Variants in PLA2G4D observed in about 807,000 individuals in gnomAD.
PLA2G4D encodes phospholipase A2 group IVD.
PLA2G4D carries 80 observed loss-of-function variants against 94.4 expected under a neutral mutation model. The ratio of observed to expected loss-of-function variants is 0.85; its 90% confidence interval spans 0.71 to 1.02. The LOEUF (loss-of-function observed/expected upper bound fraction) is 1.02. PLA2G4D is among the 50% of genes least tolerant of loss of function. The probability of loss-of-function intolerance (pLI) is 0.00; values close to 1 mark genes in which losing one functional copy is unlikely to be tolerated. For missense variants in PLA2G4D, 1,050 were observed against 1,034.7 expected (o/e 1.01, Z -0.20); for synonymous variants, 438 against 440.9 (o/e 0.99, Z 0.08).
rs769891091 is a variant in PLA2G4D at position 42,087,729 on chromosome 15, T to G, written c.46-29A>C. On this transcript the variant is annotated intron_variant, in intron 1 of 19. Transcript: ENST00000290472. ...AAGAGAAAATCAAACTCCAGAGTCC[T>G]TCCTGCATTCCCTCCCTTATGCCTG... The G allele has an allele frequency of 3.7e-6, 6 of 1,607,466 alleles. No individual in the cohort carries two copies. In the African/African-American group the frequency reaches 6.7e-5, roughly 18 times the overall value.
chr15:42,090,073 T>C (rs1452159409), intron 1 of PLA2G4D, among the ~76,000 whole-genome samples: 2 of 152,224 alleles, frequency 1.3e-5, no homozygotes, highest in African/African-American at 4.8e-5. Flanking sequence ...TTACGGGGGC[T>C]TAAAGGCAGA....
intron 13 of PLA2G4D, among the ~76,000 whole-genome samples, chr15:42,075,715 C>T (rs1027493663): frequency 6.6e-6 from 1 of 152,142 alleles, no homozygotes; most frequent in African/African-American, 2.4e-5. Context: ...AGTGAAACAC[C>T]ATCTCTACTA....
chr15:42,078,824 T>C (rs979051879), intron 13 of PLA2G4D, among the ~76,000 whole-genome samples: 1 of 152,250 alleles, frequency 6.6e-6, no homozygotes, highest in Non-Finnish European at 1.5e-5. Context: ...CAGATAGTTA[T>C]GTGTGGTAAA....
chr15:42,072,449 G>C, intron 13 of PLA2G4D, 57 bp from the exon 14 acceptor site: 6 of 1,415,146 alleles, frequency 4.2e-6, no homozygotes, highest in Non-Finnish European at 6.0e-6. Context: ...GGAGGCAGTG[G>C]CTCCGCCAGG....
At chr15:42,079,405 G>A in intron 13 of PLA2G4D, 132 bp downstream of exon 13, 1 of 857,620 alleles carries the variant, frequency 1.2e-6, no homozygotes, top group Non-Finnish European at 1.7e-6. Flanking sequence ...GCATTCCAAA[G>A]TGAGGCAGAC....
intron 17 of PLA2G4D, 60 bp downstream of exon 17, chr15:42,071,063 C>T: frequency 6.3e-7 from 1 of 1,584,784 alleles, no homozygotes. Context: ...CAGCCAGTCC[C>T]TGCCACACCA....
rs1211053064 is a variant in PLA2G4D at position 42,067,169 on chromosome 15, C to G, written c.*1546G>C. 1 of 152,204 alleles carries G rather than the reference C, an allele frequency of 6.6e-6. No individual in the cohort carries two copies. Among genetic ancestry groups the G allele is most frequent in the Non-Finnish European group, 1.5e-5 (1 of 68,056 alleles). 9.4% of individuals were successfully genotyped at this position (152,204 alleles called of 1,614,324 possible). A position where few individuals can be genotyped will look rare whatever the true frequency, so the allele number is the denominator to read the frequency against. ...GCCAAGGTCTGTCCCGAAGCTCTCA[C>G]TACAACCCCCACCTGGGGCCAGGTG... On this transcript the variant is annotated 3_prime_UTR_variant, in exon 20 of 20. Coordinates refer to ENST00000290472, the MANE Select transcript of PLA2G4D (RefSeq NM_178034.4).
chr15:42,076,177 T>A (rs1400933249), intron 13 of PLA2G4D, among the ~76,000 whole-genome samples: 1 of 152,094 alleles, frequency 6.6e-6, no homozygotes, highest in Non-Finnish European at 1.5e-5. Context: ...TGAAACCTGA[T>A]ACATGACAGA....
intron 4 of PLA2G4D, among the ~76,000 whole-genome samples, chr15:42,085,972 T>C (rs1396843807): frequency 2.0e-5 from 3 of 152,192 alleles, no homozygotes; most frequent in Admixed American, 6.5e-5. Flanking sequence ...CTGAGCTGTG[T>C]TTTGAGGGGT....
Position 42,086,194 on chromosome 15 carries a change from T to TTCTCC in PLA2G4D, c.387+18_387+19insGGAGA. On this transcript the variant is annotated intron_variant, in intron 4 of 19. Transcript: ENST00000290472. ...GGAAGAAGTGGGGCCCACGGGGACTTCCCCACCCACCCACCCACCTGGGGA... is the reference window on the plus strand; with the variant it reads ...GGAAGAAGTGGGGCCCACGGGGACTTTCTCCCCCCACCCACCCACCCACCTGGGGA... 1 of 1,370,440 alleles carries TTCTCC rather than the reference T, an allele frequency of 7.3e-7. No homozygotes were observed. Among genetic ancestry groups the TTCTCC allele is most frequent in the South Asian group, 1.5e-5 (1 of 66,866 alleles). The allele number at this position is 1,370,440 out of a possible 1,614,324, so 84.9% of individuals were successfully genotyped here. A position where few individuals can be genotyped will look rare whatever the true frequency, so the allele number is the denominator to read the frequency against.
chr15:42,068,939 C>T lies in PLA2G4D; in HGVS notation c.2233G>A (p.Val745Ile). The change falls in exon 20 of 20, where the codon GTC becomes ATC. Residue 745 changes from valine (V) to isoleucine (I), a missense_variant and splice_region_variant. Transcript: ENST00000290472. ...ASFKDHSAPG[V>I]QRSPAELQGG... Reference sequence around the variant, plus strand: ...TGGAGCTCTGCGGGGCTGCGCTGGACACCTGCCCAGGGGTAGGAGGGGTGT... The same window carrying T: ...TGGAGCTCTGCGGGGCTGCGCTGGATACCTGCCCAGGGGTAGGAGGGGTGT... 6.2e-7 allele frequency: 1 copy of T among 1,608,356 alleles called. No homozygotes were observed.
chr15:42,082,986 G>A, intron 8 of PLA2G4D, among the ~76,000 whole-genome samples: 1 of 152,212 alleles, frequency 6.6e-6, no homozygotes, highest in East Asian at 1.9e-4. Flanking sequence ...GGCCGCTGGA[G>A]GATTCAGAGA....
At chr15:42,086,473 A>AT in intron 3 of PLA2G4D, 129 bp from the exon 4 acceptor site, 1 of 852,206 alleles carries the variant, frequency 1.2e-6, no homozygotes, top group Non-Finnish European at 1.8e-6. Context: ...GCGCTTCAAA[A>AT]TAAAAAAAAA....
intron 6 of PLA2G4D, 34 bp from the exon 7 acceptor site, chr15:42,083,813 G>A (rs780457561): frequency 6.2e-7 from 1 of 1,609,938 alleles, no homozygotes; most frequent in Non-Finnish European, 8.5e-7. Context: ...AGGGGCCTCT[G>A]CAGGGTAAGC....
At chr15:42,087,601 G>A (rs752186062) in intron 2 of PLA2G4D, 27 bp downstream of exon 2, 33 of 1,613,506 alleles carry the variant, frequency 2.0e-5, no homozygotes, top group Non-Finnish European at 2.6e-5. Flanking sequence ...CCCTGCTCCC[G>A]ACAGAGCGCA....
At chr15:42,083,816 G>A in intron 6 of PLA2G4D, 37 bp from the exon 7 acceptor site, 3 of 1,606,980 alleles carry the variant, frequency 1.9e-6, no homozygotes, top group Non-Finnish European at 1.7e-6. Context: ...GGCCTCTGCA[G>A]GGTAAGCTGA....
Position 42,087,364 on chromosome 15 carries a change from A to C in PLA2G4D, c.191T>G (p.Leu64Arg), listed in dbSNP as rs774357167. The change falls in exon 3 of 20, where the codon CTC becomes CGC. Residue 64 changes from leucine (L) to arginine (R), a missense_variant. Leu to Arg is a moderately radical substitution (Grantham distance 102). Transcript: ENST00000290472. ...CCACACAGGATGACTGGTGTCGGTG[A>C]GCGTCTTGGTCTTAAACTTCATTCC... ...APGMKFKTKT[L>R]TDTSHPVWNE... is the part of the protein sequence containing the mutation. 1.2e-6 allele frequency: 2 copies of C among 1,614,150 alleles called. No homozygotes were observed. Among genetic ancestry groups the C allele is most frequent in the South Asian group, 2.2e-5 (2 of 91,082 alleles).
rs1021459461 is a variant in PLA2G4D at position 42,072,372 on chromosome 15, T to A, written c.1338A>T (p.Ser446=). 1.9e-6 allele frequency: 3 copies of A among 1,612,880 alleles called. No individual in the cohort carries two copies. Among genetic ancestry groups the A allele is most frequent in the Non-Finnish European group, 2.5e-6 (3 of 1,179,954 alleles). ...LHGQVMDQKL[S]GQRAALERGQ... ...CCCGTTCCAGGGCGGCTCTCTGTCC[T>A]GACAGCTTCTGATCCATCACCTGGG... The change falls in exon 14 of 20, where the codon TCA becomes TCT. Residue 446 remains serine (S), a synonymous_variant. Transcript: ENST00000290472.
intron 1 of PLA2G4D, among the ~76,000 whole-genome samples, chr15:42,093,527 A>T (rs1012285000): frequency 1.3e-5 from 2 of 152,026 alleles, no homozygotes; most frequent in Admixed American, 6.5e-5. Flanking sequence ...CCCGCATCCA[A>T]ATGTCCGCTG....
Sources: gnomAD v4.1 joint callset for allele counts (sites outside exome capture counted in the v4.1 genomes callset) on GRCh38, gnomAD v4.1.1 for gene constraint, MANE v1.5 for transcripts, NCBI Gene and HGNC (gene_info 2026-07-23, HGNC 2026-07-21) for gene names.